PTK2: variants seen among roughly 807,000 people sequenced by gnomAD.
The protein encoded by PTK2 is focal adhesion kinase 1.
PTK2 carries 45 observed loss-of-function variants against 150.1 expected under a neutral mutation model. That is an observed-to-expected ratio of 0.30 (90% confidence interval 0.24 to 0.38). The LOEUF is 0.38. Ranked by LOEUF, PTK2 falls within the 10% of genes least tolerant of loss-of-function variation. The probability of loss-of-function intolerance (pLI) is 1.00; values close to 1 mark genes in which losing one functional copy is unlikely to be tolerated. For synonymous variants in PTK2, 432 were observed against 449.2 expected (o/e 0.96, Z 0.48); for missense variants, 919 against 1,307.3 (o/e 0.70, Z 4.58).
chr8:140,791,629 C>T (rs916406579), intron 13 of PTK2, among the ~76,000 whole-genome samples: 4 of 152,118 alleles, frequency 2.6e-5, no homozygotes, highest in African/African-American at 9.7e-5. Flanking sequence ...TAACTAGAAA[C>T]TATTACAGGA....
At chr8:140,700,813 C>T (rs2100029805) in intron 26 of PTK2, 78 bp downstream of exon 29, 2 of 1,518,722 alleles carry the variant, frequency 1.3e-6, no homozygotes, top group South Asian at 1.2e-5. Flanking sequence ...TGAAAGATAA[C>T]ATTTTGCAAT....
At chr8:140,876,187 C>A (rs1599990868) in intron 4 of PTK2, among the ~76,000 whole-genome samples, 1 of 151,890 alleles carries the variant, frequency 6.6e-6, no homozygotes, top group Admixed American at 6.6e-5. Flanking sequence ...TTAGATCTAC[C>A]CAATTTTTTC....
chr8:140,660,107 CTT>C, intron 31 of PTK2, among the ~76,000 whole-genome samples: 1 of 152,160 alleles, frequency 6.6e-6, no homozygotes, highest in Non-Finnish European at 1.5e-5. Flanking sequence ...GATCCAGCAT[CTT>C]GTTCCTTCCA....
intron 23 of PTK2, among the ~76,000 whole-genome samples, 159 bp downstream of exon 26, chr8:140,717,439 G>A (rs2100040340): frequency 6.6e-6 from 1 of 152,196 alleles, no homozygotes; most frequent in African/African-American, 2.4e-5. Flanking sequence ...AGGGTAATAC[G>A]AGAAGACGAG....
chr8:140,847,415 C>T, intron 5 of PTK2, among the ~76,000 whole-genome samples: 1 of 152,150 alleles, frequency 6.6e-6, no homozygotes, highest in South Asian at 2.1e-4. Flanking sequence ...AGAGTGATAT[C>T]AATACGTGCA....
chr8:140,925,986 C>G (rs1436004200), intron 1 of PTK2, among the ~76,000 whole-genome samples: 2 of 152,192 alleles, frequency 1.3e-5, no homozygotes, highest in Non-Finnish European at 2.9e-5. Flanking sequence ...ACTCATCTAC[C>G]TATCACAACA....
At chr8:140,963,294 T>C (rs2100184049) in intron 1 of PTK2, among the ~76,000 whole-genome samples, 1 of 152,228 alleles carries the variant, frequency 6.6e-6, no homozygotes, top group Non-Finnish European at 1.5e-5. Context: ...GAATTATTCC[T>C]GTTACACATT....
At chr8:140,881,283 G>A (rs1447837809) in intron 3 of PTK2, among the ~76,000 whole-genome samples, 2 of 152,166 alleles carry the variant, frequency 1.3e-5, no homozygotes, top group Admixed American at 1.3e-4. Flanking sequence ...TGTGCTCTGG[G>A]GTGGGGAACT....
At chr8:140,818,495 A>G in intron 9 of PTK2, 141 bp from the exon 10 acceptor site, 1 of 718,328 alleles carries the variant, frequency 1.4e-6, no homozygotes, top group South Asian at 1.8e-5. Context: ...AATAAGATAA[A>G]ATATTTATAA....
In PTK2 at chr8:140,684,074, G is replaced by C. The variant is rs1009291745; in HGVS notation, c.2562+2558C>G. ...TAGGAAGAGAAGAGATCAAACTTCTGTGTTTGTAGATGATGTGATTTTATA... is the reference window on the plus strand; with the variant it reads ...TAGGAAGAGAAGAGATCAAACTTCTCTGTTTGTAGATGATGTGATTTTATA... On this transcript the variant is annotated intron_variant, in intron 27 of 31. Coordinates refer to ENST00000522684, the Ensembl canonical transcript of PTK2. Among the ~76,000 whole-genome samples the C allele has an allele frequency of 1.1e-4, 17 of 152,168 alleles. 1 individual carries two copies. Among genetic ancestry groups the C allele is most frequent in the Admixed American group, 9.8e-4 (15 of 15,270 alleles).
At chr8:140,669,375 T>C (rs1589140112) in intron 29 of PTK2, 2 of 163,444 alleles carry the variant, frequency 1.2e-5, no homozygotes, top group South Asian at 2.0e-4. Context: ...GTAGTACATA[T>C]AGTTTAATCA....
At chr8:140,796,151 A>C (rs2100091464) in intron 12 of PTK2, among the ~76,000 whole-genome samples, 2 of 152,228 alleles carry the variant, frequency 1.3e-5, no homozygotes, top group Non-Finnish European at 2.9e-5. Flanking sequence ...AAAGAAAGAA[A>C]TAAATCAACC....
chr8:140,735,862 A>G (rs907274326), intron 21 of PTK2, among the ~76,000 whole-genome samples: 7 of 152,200 alleles, frequency 4.6e-5, no homozygotes, highest in Admixed American at 2.0e-4. Flanking sequence ...AAATCCTAGG[A>G]TAAGTCTTAC....
chr8:140,994,998 C>T (rs549935646), intron 1 of PTK2, among the ~76,000 whole-genome samples: 3 of 150,976 alleles, frequency 2.0e-5, no homozygotes, highest in South Asian at 2.1e-4. Flanking sequence ...TCAGGAGAAT[C>T]GCCTGAACTG....
chr8:140,759,530 T>TAAAAAAAAAA (rs761643170), intron 16 of PTK2, among the ~76,000 whole-genome samples: 18 of 58,024 alleles, frequency 3.1e-4, no homozygotes, highest in East Asian at 2.1e-3. Flanking sequence ...GACCCTGTCC[T>TAAAAAAAAAA]AAAAAAAAAA....
intron 26 of PTK2, among the ~76,000 whole-genome samples, chr8:140,689,978 A>C (rs2100022130): frequency 1.3e-5 from 2 of 152,124 alleles, no homozygotes; most frequent in South Asian, 4.1e-4. Context: ...TTTGAGATGG[A>C]GTCTCCCTCT....
intron 10 of PTK2, among the ~76,000 whole-genome samples, chr8:140,807,360 A>C (rs1488707967): frequency 6.6e-6 from 1 of 152,254 alleles, no homozygotes; most frequent in Non-Finnish European, 1.5e-5. Context: ...CACGAGCTTA[A>C]GACTAGGTAT....
intron 22 of PTK2, among the ~76,000 whole-genome samples, chr8:140,734,046 C>G (rs2100051126): frequency 6.6e-6 from 1 of 152,142 alleles, no homozygotes; most frequent in Non-Finnish European, 1.5e-5. Context: ...TGTGCTTCTA[C>G]CTATAGGTCT....
chr8:140,659,263 T>C (rs922976625), exon 32 of PTK2: 7 of 548,050 alleles, frequency 1.3e-5, no homozygotes, highest in Non-Finnish European at 1.9e-5. Context: ...AATATCATGA[T>C]TGAAAAAAAC....
Sources: gnomAD v4.1 joint callset for allele counts (sites outside exome capture counted in the v4.1 genomes callset) on GRCh38, gnomAD v4.1.1 for gene constraint, MANE v1.5 for transcripts, NCBI Gene and HGNC (gene_info 2026-07-23, HGNC 2026-07-21) for gene names.